MIR2052HG: variants seen among roughly 807,000 people sequenced by gnomAD.
The protein encoded by MIR2052HG is MIR2052 host gene.
intron 4 of MIR2052HG, among the ~76,000 whole-genome samples, chr8:74,721,478 TG>T (rs1428363647): frequency 6.6e-6 from 1 of 152,188 alleles, no homozygotes; most frequent in Non-Finnish European, 1.5e-5. Context: ...ACCTGCCAGT[TG>T]GGCTAGACTA....
At chr8:74,635,712 A>G (rs1295940186) in intron 2 of MIR2052HG, among the ~76,000 whole-genome samples, 1 of 152,174 alleles carries the variant, frequency 6.6e-6, no homozygotes, top group African/African-American at 2.4e-5. Context: ...CTATGTCATC[A>G]TGACCTCTGA....
rs190074514 is a variant in MIR2052HG at position 74,708,592 on chromosome 8, C to A, written n.371+4910C>A. ...CCCCTCCTTTGTTACTCTTCTCACT[C>A]GTTAAATGAAAGCATATTTCATCAT... On this transcript the variant is annotated intron_variant and non_coding_transcript_variant, in intron 4 of 6. Transcript: ENST00000523442. Among the ~76,000 whole-genome samples the A allele has an allele frequency of 8.6e-4, 131 of 152,022 alleles. 3 individuals are homozygous for A. In the East Asian group the frequency reaches 0.018, roughly 21 times the overall value.
At chr8:74,681,261 A>G (rs1213247784) in intron 2 of MIR2052HG, among the ~76,000 whole-genome samples, 1 of 152,106 alleles carries the variant, frequency 6.6e-6, no homozygotes, top group East Asian at 1.9e-4. Context: ...ATTTTCTGCA[A>G]ATTGATCTTT....
intron 1 of MIR2052HG, chr8:74,604,052 C>T (rs879147427): frequency 1.6e-5 from 15 of 960,996 alleles, no homozygotes; most frequent in South Asian, 5.1e-5. Flanking sequence ...ACGGCATTAG[C>T]AGGTCCAGCA....
chr8:74,754,610 G>A (rs1809980726), intron 5 of MIR2052HG, among the ~76,000 whole-genome samples: 1 of 152,226 alleles, frequency 6.6e-6, no homozygotes, highest in Admixed American at 6.5e-5. Flanking sequence ...ATCTACGGCT[G>A]TGAAGCTCTT....
At chr8:74,697,036 A>T (rs1563534050) in intron 2 of MIR2052HG, among the ~76,000 whole-genome samples, 1 of 152,132 alleles carries the variant, frequency 6.6e-6, no homozygotes, top group Non-Finnish European at 1.5e-5. Context: ...AAAGAAAACT[A>T]CAGACTAATA....
intron 2 of MIR2052HG, among the ~76,000 whole-genome samples, chr8:74,624,988 A>G (rs1158498376): frequency 6.6e-6 from 1 of 152,140 alleles, no homozygotes; most frequent in Non-Finnish European, 1.5e-5. Flanking sequence ...TTCACAAACC[A>G]TATGGATCCA....
intron 2 of MIR2052HG, among the ~76,000 whole-genome samples, chr8:74,638,715 A>T (rs1808608404): frequency 6.6e-6 from 1 of 152,226 alleles, no homozygotes; most frequent in Admixed American, 6.5e-5. Flanking sequence ...AGATAACTTC[A>T]CATTTGGACA....
chr8:74,646,393 G>A (rs1379741346), intron 2 of MIR2052HG, among the ~76,000 whole-genome samples: 1 of 152,182 alleles, frequency 6.6e-6, no homozygotes, highest in African/African-American at 2.4e-5. Flanking sequence ...CCATACTGGT[G>A]TTTGATTTGA....
At chr8:74,684,815 A>G (rs530671129) in intron 2 of MIR2052HG, among the ~76,000 whole-genome samples, 1 of 152,252 alleles carries the variant, frequency 6.6e-6, no homozygotes, top group South Asian at 2.1e-4. Context: ...GATAATCTAG[A>G]CAGTGACAAA....
chr8:74,728,766 A>G (rs2128754637), intron 4 of MIR2052HG, among the ~76,000 whole-genome samples: 1 of 152,204 alleles, frequency 6.6e-6, no homozygotes, highest in East Asian at 1.9e-4. Context: ...CAGAGGGCTC[A>G]CTTTTGCAAA....
chr8:74,653,517 T>C (rs903252950), intron 2 of MIR2052HG, among the ~76,000 whole-genome samples: 2 of 152,204 alleles, frequency 1.3e-5, no homozygotes, highest in Admixed American at 1.3e-4. Flanking sequence ...AAAGATTAAA[T>C]GACATGCCCT....
intron 2 of MIR2052HG, among the ~76,000 whole-genome samples, chr8:74,654,301 T>C (rs1808781368): frequency 6.6e-6 from 1 of 152,162 alleles, no homozygotes; most frequent in Non-Finnish European, 1.5e-5. Context: ...ACTGACTGGC[T>C]GCTTAGATTA....
At chr8:74,688,805 G>A (rs1165569053) in intron 2 of MIR2052HG, among the ~76,000 whole-genome samples, 1 of 151,682 alleles carries the variant, frequency 6.6e-6, no homozygotes, top group Non-Finnish European at 1.5e-5. Flanking sequence ...TTTATCCCTC[G>A]CCCCCATCCC....
chr8:74,601,542 A>G (rs1458247517), intron 1 of MIR2052HG, among the ~76,000 whole-genome samples: 1 of 152,232 alleles, frequency 6.6e-6, no homozygotes, highest in Admixed American at 6.5e-5. Flanking sequence ...CATTTGCCCA[A>G]GGATCTTCTG....
intron 4 of MIR2052HG, among the ~76,000 whole-genome samples, chr8:74,740,977 T>C (rs1400483086): frequency 6.6e-6 from 1 of 152,242 alleles, no homozygotes; most frequent in Non-Finnish European, 1.5e-5. Context: ...TTGCTGTAAA[T>C]GCTGAATTAG....
chr8:74,745,182 G>T (rs1055551463), intron 4 of MIR2052HG, among the ~76,000 whole-genome samples: 8 of 152,134 alleles, frequency 5.3e-5, no homozygotes, highest in African/African-American at 1.7e-4. Context: ...AGGATCCCTT[G>T]AGCCCAGAAA....
intron 4 of MIR2052HG, among the ~76,000 whole-genome samples, chr8:74,720,659 T>C (rs1309215670): frequency 1.3e-5 from 2 of 152,214 alleles, no homozygotes; most frequent in Non-Finnish European, 2.9e-5. Context: ...TGCTAGAGCC[T>C]TGCCTTGAAT....
intron 2 of MIR2052HG, among the ~76,000 whole-genome samples, chr8:74,660,770 A>G (rs1230825617): frequency 2.6e-5 from 4 of 152,114 alleles, no homozygotes; most frequent in African/African-American, 4.8e-5. Flanking sequence ...TATTATTTCA[A>G]ATATAGTCAC....
Sources: allele counts gnomAD v4.1 joint callset (sites outside exome capture counted in the v4.1 genomes callset), GRCh38; gene constraint gnomAD v4.1.1; transcripts MANE v1.5; gene names NCBI Gene and HGNC (gene_info 2026-07-23, HGNC 2026-07-21).